LRMDA: variants seen among roughly 807,000 people sequenced by gnomAD.
LRMDA encodes leucine rich melanocyte differentiation associated, also known as leucine-rich melanocyte differentiation-associated protein.
Under a neutral mutation model 29.8 loss-of-function variants are expected in LRMDA, and 18 were observed. The ratio of observed to expected loss-of-function variants is 0.60; its 90% CI spans 0.42 to 0.90. LRMDA has a LOEUF of 0.90. Ranked by LOEUF, LRMDA falls within the 40% of genes least tolerant of loss-of-function variation. LRMDA has a pLI of 0.00. For synonymous variants in LRMDA, 125 were observed against 109.4 expected (o/e 1.14, Z -0.89); for missense variants, 273 against 273.9 (o/e 1.00, Z 0.02).
At chr10:75,772,486 T>G (rs544368262) in intron 2 of LRMDA, among the ~76,000 whole-genome samples, 1 of 152,206 alleles carries the variant, frequency 6.6e-6, no homozygotes, top group African/African-American at 2.4e-5. Flanking sequence ...GAGGCTTATG[T>G]AACATTTGAC....
At chr10:75,574,168 A>G (rs1840472991) in intron 2 of LRMDA, among the ~76,000 whole-genome samples, 1 of 152,158 alleles carries the variant, frequency 6.6e-6, no homozygotes, top group Non-Finnish European at 1.5e-5. Flanking sequence ...TGAAGGCATT[A>G]AACACCCAGA....
intron 6 of LRMDA, among the ~76,000 whole-genome samples, chr10:76,424,971 CT>C (rs1237445190): frequency 6.6e-6 from 1 of 152,206 alleles, no homozygotes; most frequent in African/African-American, 2.4e-5. Context: ...TGACCATACA[CT>C]TTTCTCCCCA....
intron 2 of LRMDA, among the ~76,000 whole-genome samples, chr10:75,477,581 A>G (rs751293827): frequency 3.9e-5 from 6 of 152,110 alleles, no homozygotes; most frequent in Admixed American, 6.5e-5. Flanking sequence ...GCTGCCTTTT[A>G]TGTTCTGGGA....
intron 2 of LRMDA, among the ~76,000 whole-genome samples, chr10:75,710,132 A>G (rs1842418740): frequency 6.6e-6 from 1 of 152,258 alleles, no homozygotes; most frequent in African/African-American, 2.4e-5. Context: ...CCAGAAGAGA[A>G]ACCGAGGGAG....
intron 2 of LRMDA, among the ~76,000 whole-genome samples, chr10:75,618,925 G>T (rs1239178131): frequency 2.0e-5 from 3 of 151,860 alleles, no homozygotes; most frequent in Non-Finnish European, 4.4e-5. Context: ...TGGGACTACA[G>T]GTGCGTGCCA....
intron 6 of LRMDA, among the ~76,000 whole-genome samples, chr10:76,390,009 T>A (rs770958348): frequency 2.0e-5 from 3 of 152,180 alleles, no homozygotes; most frequent in Non-Finnish European, 2.9e-5. Flanking sequence ...TATATACAGA[T>A]TTAAAATGGC....
At chr10:75,543,236 T>G (rs931921997) in intron 2 of LRMDA, among the ~76,000 whole-genome samples, 6 of 152,208 alleles carry the variant, frequency 3.9e-5, no homozygotes, top group Admixed American at 2.6e-4. Flanking sequence ...CATGAGGCCA[T>G]GGGTCCCTCC....
At chr10:75,962,815 T>G (rs1846792102) in intron 2 of LRMDA, among the ~76,000 whole-genome samples, 1 of 152,214 alleles carries the variant, frequency 6.6e-6, no homozygotes, top group African/African-American at 2.4e-5. Flanking sequence ...TCCTTTTGCA[T>G]AAGTGTGACT....
chr10:76,272,218 T>C (rs1840076555), intron 5 of LRMDA, among the ~76,000 whole-genome samples: 1 of 152,196 alleles, frequency 6.6e-6, no homozygotes, highest in South Asian at 2.1e-4. Context: ...CAGGTTGGCT[T>C]CCTGGGGGAA....
At chr10:76,288,338 T>A (rs1442252688) in intron 5 of LRMDA, among the ~76,000 whole-genome samples, 1 of 152,118 alleles carries the variant, frequency 6.6e-6, no homozygotes, top group African/African-American at 2.4e-5. Flanking sequence ...CATGCACGTG[T>A]GTGTTCATCT....
At chr10:76,184,493 A>T (rs1339593933) in intron 5 of LRMDA, among the ~76,000 whole-genome samples, 1 of 152,246 alleles carries the variant, frequency 6.6e-6, no homozygotes, top group East Asian at 1.9e-4. Context: ...TGCTCTCTTA[A>T]AACAAAGTGC....
At chr10:76,537,614 C>T (rs939726204) in intron 6 of LRMDA, among the ~76,000 whole-genome samples, 9 of 152,212 alleles carry the variant, frequency 5.9e-5, no homozygotes, top group East Asian at 1.9e-4. Flanking sequence ...ACCGCTCTGA[C>T]GGCTTTTCCA....
intron 5 of LRMDA, among the ~76,000 whole-genome samples, chr10:76,267,153 C>A (rs1192711123): frequency 1.3e-5 from 2 of 152,114 alleles, no homozygotes; most frequent in African/African-American, 4.8e-5. Flanking sequence ...TCACCATATG[C>A]AGCTTCCTTT....
At chr10:75,707,141 G>T (rs1589165253) in intron 2 of LRMDA, among the ~76,000 whole-genome samples, 1 of 152,202 alleles carries the variant, frequency 6.6e-6, no homozygotes, top group Non-Finnish European at 1.5e-5. Context: ...TGGTGTGTTT[G>T]TGTGTGTATA....
intron 5 of LRMDA, among the ~76,000 whole-genome samples, chr10:76,322,834 C>G (rs912764675): frequency 6.6e-6 from 1 of 152,010 alleles, no homozygotes; most frequent in Non-Finnish European, 1.5e-5. Flanking sequence ...GACCCCTGTA[C>G]CCTCACCCCA....
At chr10:76,018,181 G>A (rs142938130) in intron 2 of LRMDA, among the ~76,000 whole-genome samples, 11 of 152,146 alleles carry the variant, frequency 7.2e-5, no homozygotes, top group African/African-American at 2.4e-4. Context: ...TCTTATCCTC[G>A]ATCTAATCCA....
At chr10:76,182,786 A>C (rs886140100) in intron 5 of LRMDA, among the ~76,000 whole-genome samples, 15 of 152,212 alleles carry the variant, frequency 9.9e-5, no homozygotes, top group Admixed American at 6.5e-4. Flanking sequence ...TGTCTAAATG[A>C]AGAGTTTGCT....
intron 5 of LRMDA, among the ~76,000 whole-genome samples, chr10:76,100,155 C>T (rs1460084861): frequency 6.6e-6 from 1 of 152,228 alleles, no homozygotes; most frequent in Admixed American, 6.5e-5. Context: ...TGATAAATGA[C>T]CTCTTCATCA....
At chr10:75,726,309 G>T (rs781398803) in intron 2 of LRMDA, among the ~76,000 whole-genome samples, 2 of 152,198 alleles carry the variant, frequency 1.3e-5, no homozygotes, top group African/African-American at 2.4e-5. Context: ...TGGTGTCCCA[G>T]TGGTATAGTT....
Sources: allele counts gnomAD v4.1 joint callset (sites outside exome capture counted in the v4.1 genomes callset), GRCh38; gene constraint gnomAD v4.1.1; transcripts MANE v1.5; gene names NCBI Gene and HGNC (gene_info 2026-07-23, HGNC 2026-07-21).